Variants in RPS6KC1 observed in about 807,000 individuals in gnomAD.
RPS6KC1 encodes inactive ribosomal protein S6 kinase delta-1.
RPS6KC1 carries 54 observed loss-of-function variants against 103.8 expected under a neutral mutation model. The ratio of observed to expected loss-of-function variants is 0.52; its 90% confidence interval spans 0.42 to 0.65. RPS6KC1 has a LOEUF of 0.65. Ranked by LOEUF, RPS6KC1 falls within the 30% of genes least tolerant of loss-of-function variation. The pLI is 0.00. For synonymous variants in RPS6KC1, 439 were observed against 438.7 expected, an observed-to-expected ratio of 1.00 and a Z score of -0.01; for missense variants, 1,151 against 1,253.8, an observed-to-expected ratio of 0.92 and a Z score of 1.24.
chr1:213,469,324 A>T, the RPS6KC1 span, among the ~76,000 whole-genome samples: 1 of 152,332 alleles, frequency 6.6e-6, no homozygotes, highest in South Asian at 2.1e-4. Context: ...CTTAAAATTT[A>T]AAAAATGGCA....
chr1:213,518,565 T>C, the RPS6KC1 span, among the ~76,000 whole-genome samples: 3 of 152,204 alleles, frequency 2.0e-5, no homozygotes, highest in Non-Finnish European at 1.5e-5. Flanking sequence ...TTTAAGATAA[T>C]TAATTTGTTC....
the RPS6KC1 span, among the ~76,000 whole-genome samples, chr1:213,389,465 T>C: frequency 2.5e-4 from 38 of 152,196 alleles, no homozygotes; most frequent in East Asian, 1.2e-3. Context: ...GGCGGATTTA[T>C]CAGCGCAGCC....
At chr1:213,652,038 T>A in the RPS6KC1 span, among the ~76,000 whole-genome samples, 2 of 152,234 alleles carry the variant, frequency 1.3e-5, no homozygotes, top group Non-Finnish European at 1.5e-5. Context: ...TTAATTGCTT[T>A]TAATTTGTGC....
At chr1:213,467,579 G>A in the RPS6KC1 span, among the ~76,000 whole-genome samples, 40 of 152,216 alleles carry the variant, frequency 2.6e-4, no homozygotes, top group East Asian at 5.6e-3. Flanking sequence ...GATTTGACAC[G>A]TGGTCTTTTG....
At chr1:213,158,896 T>G (rs773225631) in intron 6 of RPS6KC1, among the ~76,000 whole-genome samples, 1 of 152,194 alleles carries the variant, frequency 6.6e-6, no homozygotes, top group African/African-American at 2.4e-5. Context: ...AGAGATTACT[T>G]ACCCAGAACC....
At chr1:213,193,055 T>G (rs954686756) in intron 8 of RPS6KC1, among the ~76,000 whole-genome samples, 1 of 152,004 alleles carries the variant, frequency 6.6e-6, no homozygotes, top group Non-Finnish European at 1.5e-5. Flanking sequence ...TCAGAAAAGA[T>G]GCTTCATATT....
the RPS6KC1 span, among the ~76,000 whole-genome samples, chr1:213,520,294 G>A: frequency 3.2e-4 from 48 of 152,276 alleles, no homozygotes; most frequent in Middle Eastern, 0.014. Context: ...CATGGCAGCA[G>A]GCAAAAAGAG....
At chr1:213,236,186 C>A (rs897787666) in intron 10 of RPS6KC1, among the ~76,000 whole-genome samples, 1 of 152,122 alleles carries the variant, frequency 6.6e-6, no homozygotes, top group Non-Finnish European at 1.5e-5. Flanking sequence ...CTTTCTACCC[C>A]CACCCACACC....
the RPS6KC1 span, among the ~76,000 whole-genome samples, chr1:213,667,020 A>G: frequency 2.0e-5 from 3 of 152,034 alleles, no homozygotes; most frequent in African/African-American, 7.3e-5. Context: ...CAAAGGGCTC[A>G]CTCCTACCTG....
the RPS6KC1 span, among the ~76,000 whole-genome samples, chr1:213,464,923 G>A: frequency 1.6e-4 from 25 of 151,824 alleles, no homozygotes; most frequent in Admixed American, 1.4e-3. Context: ...AGGGAATATC[G>A]GCTGCTAATG....
the RPS6KC1 span, among the ~76,000 whole-genome samples, chr1:213,338,769 ATTT>A: frequency 7.2e-6 from 1 of 138,308 alleles, no homozygotes; most frequent in Admixed American, 7.2e-5. Flanking sequence ...GTCTTGCAGC[ATTT>A]TTTTTTTTTT....
At chr1:213,327,030 T>C in the RPS6KC1 span, among the ~76,000 whole-genome samples, 38 of 152,026 alleles carry the variant, frequency 2.5e-4, no homozygotes, top group Non-Finnish European at 5.1e-4. Context: ...TCTTCCTCTT[T>C]TTTCTTTTTC....
rs1306404394 is a variant in RPS6KC1, at chr1:213,241,545, ATCT to A, written c.2074_2076del (p.Leu692del). 16 of 1,614,008 alleles carry A rather than the reference ATCT, an allele frequency of 9.9e-6. 1 individual carries two copies. Among genetic ancestry groups the A allele is most frequent in the East Asian group, 4.5e-5 (2 of 44,880 alleles). On this transcript the variant is annotated inframe_deletion, in exon 11 of 15. Coordinates refer to ENST00000366960, the MANE Select transcript of RPS6KC1 (RefSeq NM_012424.6). The stretch of plus-strand genomic sequence containing the variant: ...AGTGGTACTGATGAAGGAAGACCTG[ATCT>A]TCTTGTAAATTTACCTGGTGAATTG...
the RPS6KC1 span, among the ~76,000 whole-genome samples, chr1:213,314,341 T>C: frequency 2.6e-5 from 4 of 152,344 alleles, no homozygotes; most frequent in African/African-American, 4.8e-5. Flanking sequence ...TCAACATAGC[T>C]TTCTGGGGGA....
At chr1:213,788,726 G>A in the RPS6KC1 span, among the ~76,000 whole-genome samples, 3 of 152,110 alleles carry the variant, frequency 2.0e-5, no homozygotes, top group Non-Finnish European at 4.4e-5. Context: ...AACATTCCTG[G>A]GTCTGACCCC....
chr1:213,277,530 T>TA (rs2095114582), downstream of RPS6KC1, among the ~76,000 whole-genome samples: 1 of 152,228 alleles, frequency 6.6e-6, no homozygotes, highest in Non-Finnish European at 1.5e-5. Context: ...GAGCCTTCTT[T>TA]ATTCATCTGG....
the RPS6KC1 span, among the ~76,000 whole-genome samples, chr1:213,418,234 T>G: frequency 6.6e-6 from 1 of 152,198 alleles, no homozygotes; most frequent in Admixed American, 6.5e-5. Context: ...GAGGATGAAC[T>G]GATGTGTGTG....
At chr1:213,682,908 A>T in the RPS6KC1 span, among the ~76,000 whole-genome samples, 3 of 152,222 alleles carry the variant, frequency 2.0e-5, no homozygotes, top group Non-Finnish European at 2.9e-5. Context: ...TTTACTAGAC[A>T]TACTGTTTTA....
At chr1:213,379,436 G>A in the RPS6KC1 span, among the ~76,000 whole-genome samples, 1 of 152,164 alleles carries the variant, frequency 6.6e-6, no homozygotes, top group East Asian at 1.9e-4. Context: ...GTGACTACAA[G>A]CCAAGGAATG....
Sources: gnomAD v4.1 joint callset for allele counts (sites outside exome capture counted in the v4.1 genomes callset) on GRCh38, gnomAD v4.1.1 for gene constraint, MANE v1.5 for transcripts, NCBI Gene and HGNC (gene_info 2026-07-23, HGNC 2026-07-21) for gene names.